The following SEC24D variants were observed in gnomAD, a reference collection of about 807,000 sequenced individuals.
SEC24D encodes the protein SEC24 homolog D, COPII component, also known as protein transport protein Sec24D.
SEC24D carries 69 observed loss-of-function variants against 116.9 expected under a neutral mutation model. That is an observed-to-expected ratio of 0.59 (90% CI 0.49 to 0.72). The LOEUF is 0.72. Among genes scored for constraint, SEC24D ranks in the 30% least tolerant of loss-of-function variants. The pLI is 0.00. For missense variants in SEC24D, 1,131 were observed against 1,264.1 expected, an observed-to-expected ratio of 0.89 and a Z score of 1.60; for synonymous variants, 405 against 442.8, an observed-to-expected ratio of 0.91 and a Z score of 1.07.
At chr4:118,828,991 C>T (rs1194348556) in intron 2 of SEC24D, among the ~76,000 whole-genome samples, 1 of 152,208 alleles carries the variant, frequency 6.6e-6, no homozygotes, top group Non-Finnish European at 1.5e-5. Context: ...TGTTTCAGGG[C>T]ATTCCCTCCG....
At chr4:118,821,756 T>C (rs1730413987) in intron 3 of SEC24D, among the ~76,000 whole-genome samples, 1 of 152,258 alleles carries the variant, frequency 6.6e-6, no homozygotes, top group Non-Finnish European at 1.5e-5. Context: ...ATCAGACTGA[T>C]GTGATTCACC....
chr4:118,769,677 A>C (rs1727806563), intron 8 of SEC24D: 1 of 152,214 alleles, frequency 6.6e-6, no homozygotes, highest in Non-Finnish European at 1.5e-5. Context: ...TTATTAACAC[A>C]ATACTCAAAA....
chr4:118,724,153 C>G (rs185413137), intron 22 of SEC24D, among the ~76,000 whole-genome samples: 9 of 151,756 alleles, frequency 5.9e-5, no homozygotes, highest in Admixed American at 5.3e-4. Flanking sequence ...ACAATACATT[C>G]GTGAGATGAG....
chr4:118,752,534 A>G (rs1429484887), intron 12 of SEC24D, among the ~76,000 whole-genome samples, 163 bp downstream of exon 12: 5 of 152,218 alleles, frequency 3.3e-5, no homozygotes, highest in East Asian at 1.9e-4. Flanking sequence ...ATACTTGTCT[A>G]TATTTAAAAA....
chr4:118,743,950 GAGT>G (rs1726360537), intron 15 of SEC24D, 35 bp downstream of exon 15: 2 of 1,543,390 alleles, frequency 1.3e-6, no homozygotes, highest in East Asian at 2.3e-5. Flanking sequence ...ATTAAAATGG[GAGT>G]AGAAGACCAA....
intron 15 of SEC24D, among the ~76,000 whole-genome samples, chr4:118,742,456 C>T (rs774091301): frequency 6.6e-6 from 1 of 152,110 alleles, no homozygotes; most frequent in Non-Finnish European, 1.5e-5. Context: ...GCTTCATGTA[C>T]CTCAATACCC....
chr4:118,745,025 A>G lies in SEC24D; in HGVS notation c.1743T>C (p.His581=). 1 of 1,611,284 alleles carries G rather than the reference A, an allele frequency of 6.2e-7. No homozygotes were observed. The highest frequency in any genetic ancestry group is 8.5e-7 in the Non-Finnish European group (1 of 1,177,978). The change falls in exon 14 of 23, where the codon CAT becomes CAC. Residue 581 remains histidine, a synonymous_variant. Transcript: ENST00000280551. ...ADCPGKLFIF[H]SSLPTAEAPG... is the part of the protein sequence containing the mutation. ...GTGCTTCAGCAGTTGGCAAGGAAGA[A>G]TGGAAGATGAACAGCTTCCCAGGAC...
At position 118,768,260 on chromosome 4, in the gene SEC24D, T is replaced by C; in HGVS notation, c.1093A>G (p.Arg365Gly). 6.2e-7 allele frequency: 1 copy of C among 1,613,828 alleles called. No homozygotes were observed. Among genetic ancestry groups the C allele is most frequent in the Non-Finnish European group, 8.5e-7 (1 of 1,179,754 alleles). Residue 365 changes from arginine (R) to glycine (G), a missense_variant, in exon 9 of 23, where the codon AGG (arginine) becomes GGG (glycine). By Grantham distance (125) the Arg-to-Gly change is moderately radical. Coordinates refer to ENST00000280551, the MANE Select transcript of SEC24D (RefSeq NM_014822.4). ...AATGGGCACATGTAGGCCTTGCACC[T>C]GTTGCATCTGACTGGTCCACTCTCG... is the stretch of plus-strand genomic sequence containing the variant. ...HGESGPVRCN[R>G]CKAYMCPFMQ... is the part of the protein sequence containing the mutation.
chr4:118,750,299 T>G (rs1350811151), intron 13 of SEC24D, among the ~76,000 whole-genome samples: 1 of 152,196 alleles, frequency 6.6e-6, no homozygotes, highest in African/African-American at 2.4e-5. Context: ...TGTACACAAT[T>G]TGCTTTATAT....
chr4:118,742,794 C>A (rs1156967785), intron 15 of SEC24D, among the ~76,000 whole-genome samples: 1 of 152,216 alleles, frequency 6.6e-6, no homozygotes, highest in African/African-American at 2.4e-5. Context: ...ACACCCCTGA[C>A]CCCTTCTCCT....
At chr4:118,734,340 G>A (rs1368178666) in intron 19 of SEC24D, among the ~76,000 whole-genome samples, 1 of 151,780 alleles carries the variant, frequency 6.6e-6, no homozygotes, top group Non-Finnish European at 1.5e-5. Context: ...AGCCTCCTGA[G>A]TACCTGGGAT....
intron 13 of SEC24D, among the ~76,000 whole-genome samples, chr4:118,746,266 T>C (rs1169875018): frequency 8.4e-6 from 1 of 118,952 alleles, no homozygotes; most frequent in Non-Finnish European, 1.9e-5. Context: ...TCCTGAAGGC[T>C]TTCTAGTACA....
Position 118,738,507 on chromosome 4 carries a change from C to A in SEC24D, c.2378-128G>T, listed in dbSNP as rs1457727668. ...CCAGCAAGAATAATAGCATTTAAAT[C>A]TGTTCAAGTCATTTGCTAATGGTCT... On this transcript the variant is annotated intron_variant, in intron 18 of 22. Transcript: ENST00000280551. The A allele has an allele frequency of 7.2e-6, 5 of 693,796 alleles. No homozygotes were observed. The African/African-American group carries it at 9.1e-5, about 13-fold the overall frequency. 43.0% of individuals were successfully genotyped at this position (693,796 alleles called of 1,614,324 possible).
intron 13 of SEC24D, among the ~76,000 whole-genome samples, chr4:118,748,311 A>T (rs1187562227): frequency 6.6e-6 from 1 of 152,142 alleles, no homozygotes; most frequent in African/African-American, 2.4e-5. Context: ...AGGGAAAAAA[A>T]AATCAGGGCC....
At chr4:118,773,267 G>A (rs1224898599) in intron 8 of SEC24D, among the ~76,000 whole-genome samples, 1 of 151,448 alleles carries the variant, frequency 6.6e-6, no homozygotes, top group Non-Finnish European at 1.5e-5. Flanking sequence ...AAATACCTTG[G>A]CTAAGCAGTT....
Position 118,728,514 on chromosome 4 carries a change from A to T in SEC24D, c.2958+47T>A, listed in dbSNP as rs550793986. 3.6e-5 allele frequency: 45 copies of T among 1,239,238 alleles called. 1 individual carries two copies. In the South Asian group the frequency reaches 4.7e-4, roughly 13 times the overall value. The allele number at this position is 1,239,238 out of a possible 1,614,324, so 76.8% of individuals were successfully genotyped here. A position where few individuals can be genotyped will look rare whatever the true frequency, so the allele number is the denominator to read the frequency against. On this transcript the variant is annotated intron_variant, in intron 22 of 22. Coordinates refer to ENST00000280551, the MANE Select transcript of SEC24D (RefSeq NM_014822.4). ...GGGTGTGCATGTTAAGTCTTTAATGAAATTTTTAACATTTGAATAAAGGGA... is the reference window on the plus strand; with the variant it reads ...GGGTGTGCATGTTAAGTCTTTAATGTAATTTTTAACATTTGAATAAAGGGA...
intron 8 of SEC24D, among the ~76,000 whole-genome samples, chr4:118,781,727 A>G (rs946757554): frequency 1.3e-5 from 2 of 152,176 alleles, no homozygotes; most frequent in Non-Finnish European, 2.9e-5. Flanking sequence ...AGGTACACCA[A>G]TCAAACACAG....
intron 15 of SEC24D, among the ~76,000 whole-genome samples, chr4:118,741,362 A>G (rs1726214633): frequency 6.6e-6 from 1 of 152,176 alleles, no homozygotes; most frequent in South Asian, 2.1e-4. Context: ...GTTAAGACCC[A>G]ATGTATAATA....
chr4:118,769,505 G>A (rs1161493519), intron 8 of SEC24D, among the ~76,000 whole-genome samples: 4 of 151,968 alleles, frequency 2.6e-5, no homozygotes, highest in South Asian at 4.2e-4. Context: ...GCTTTTGAAC[G>A]GAGGCCTGAA....
Sources: gnomAD v4.1 joint callset for allele counts (sites outside exome capture counted in the v4.1 genomes callset) on GRCh38, gnomAD v4.1.1 for gene constraint, MANE v1.5 for transcripts, NCBI Gene and HGNC (gene_info 2026-07-23, HGNC 2026-07-21) for gene names.